The following ADAMTS19 variants were observed in gnomAD, a reference collection of about 807,000 sequenced individuals.
ADAMTS19 encodes the protein ADAM metallopeptidase with thrombospondin type 1 motif 19.
A neutral mutation model predicts 153.3 loss-of-function variants in ADAMTS19; 93 were observed. The observed-to-expected ratio is 0.61, with a 90% CI of 0.51 to 0.72. The LOEUF (loss-of-function observed/expected upper bound fraction) is 0.72, where lower values mean the gene tolerates loss of function less well. ADAMTS19 is among the 30% of genes least tolerant of loss of function. ADAMTS19 has a pLI of 0.00. For synonymous variants in ADAMTS19, 600 were observed against 556.6 expected (o/e 1.08, Z -1.10); for missense variants, 1,482 against 1,552.1 (o/e 0.95, Z 0.76).
chr5:129,711,376 A>G (rs1388573472), intron 21 of ADAMTS19, among the ~76,000 whole-genome samples: 4 of 152,162 alleles, frequency 2.6e-5, no homozygotes, highest in African/African-American at 4.8e-5. Flanking sequence ...TCAAATACAT[A>G]TTAATCTGAC....
In ADAMTS19 at chr5:129,647,723, T is replaced by G. The variant is rs762961178; in HGVS notation, c.1873-42T>G. On this transcript the variant is annotated intron_variant, in intron 11 of 22. Transcript: ENST00000274487. ...TATAGGCCAGCGAATGATTTTCAGT[T>G]GTGCCCTGATTTGTTCACCTAAGAC... 5 of 1,597,566 alleles carry G rather than the reference T, an allele frequency of 3.1e-6. No homozygotes were observed. The East Asian group carries it at 1.1e-4, about 36-fold the overall frequency.
intron 16 of ADAMTS19, among the ~76,000 whole-genome samples, chr5:129,677,080 A>G (rs1014715830): frequency 6.6e-6 from 1 of 152,246 alleles, no homozygotes; most frequent in African/African-American, 2.4e-5. Flanking sequence ...ACAAGGAAAT[A>G]ATTTACCTTT....
intron 2 of ADAMTS19, among the ~76,000 whole-genome samples, chr5:129,503,327 T>C (rs1024397102): frequency 6.6e-6 from 1 of 152,168 alleles, no homozygotes; most frequent in African/African-American, 2.4e-5. Flanking sequence ...AGTGTAGTTT[T>C]ATACAGATTT....
intron 11 of ADAMTS19, among the ~76,000 whole-genome samples, chr5:129,643,745 T>A (rs1398885199): frequency 6.6e-6 from 1 of 152,202 alleles, no homozygotes; most frequent in African/African-American, 2.4e-5. Context: ...ATATTTCCTA[T>A]AAGCTTAAAC....
At chr5:129,631,000 A>T (rs1752259126) in intron 10 of ADAMTS19, among the ~76,000 whole-genome samples, 1 of 152,022 alleles carries the variant, frequency 6.6e-6, no homozygotes. Context: ...TTGTATCAAG[A>T]AATGCAAATT....
chr5:129,539,808 C>T (rs773824484), intron 6 of ADAMTS19, among the ~76,000 whole-genome samples: 12 of 151,968 alleles, frequency 7.9e-5, no homozygotes, highest in Non-Finnish European at 1.6e-4. Context: ...AAAATACTGA[C>T]GAATACTGGC....
intron 13 of ADAMTS19, among the ~76,000 whole-genome samples, chr5:129,651,729 C>T (rs576913901): frequency 2.0e-5 from 3 of 152,268 alleles, no homozygotes; most frequent in South Asian, 4.1e-4. Flanking sequence ...ACACACACAA[C>T]CTGTAATAGC....
At chr5:129,488,966 G>C (rs1210059764) in intron 2 of ADAMTS19, among the ~76,000 whole-genome samples, 1 of 152,086 alleles carries the variant, frequency 6.6e-6, no homozygotes, top group Non-Finnish European at 1.5e-5. Context: ...TTTTCAAACA[G>C]AACTGCAGAC....
At chr5:129,614,659 C>G (rs1488462403) in intron 8 of ADAMTS19, among the ~76,000 whole-genome samples, 1 of 152,090 alleles carries the variant, frequency 6.6e-6, no homozygotes, top group East Asian at 1.9e-4. Flanking sequence ...CACTCCTATT[C>G]AATCTAGTGT....
intron 3 of ADAMTS19, 125 bp from the exon 4 acceptor site, chr5:129,526,159 C>A: frequency 1.3e-6 from 1 of 745,190 alleles, no homozygotes; most frequent in Non-Finnish European, 2.0e-6. Flanking sequence ...ATTTCAAAGC[C>A]AAATGCCCTT....
At chr5:129,714,254 C>T (rs1325471451) in intron 21 of ADAMTS19, among the ~76,000 whole-genome samples, 1 of 150,004 alleles carries the variant, frequency 6.7e-6, no homozygotes, top group Non-Finnish European at 1.5e-5. Flanking sequence ...CCCGTCTCTA[C>T]TAAAAATACA....
chr5:129,529,786 G>C (rs1348309458), intron 6 of ADAMTS19, among the ~76,000 whole-genome samples: 1 of 152,116 alleles, frequency 6.6e-6, no homozygotes, highest in Non-Finnish European at 1.5e-5. Context: ...AACTTGGCAA[G>C]GGCTGGTCTG....
chr5:129,649,427 A>G (rs1185323782), intron 13 of ADAMTS19, among the ~76,000 whole-genome samples: 1 of 152,262 alleles, frequency 6.6e-6, no homozygotes, highest in Non-Finnish European at 1.5e-5. Context: ...ATCTCAGAGC[A>G]TTATGCTGAG....
At chr5:129,720,395 T>C (rs1016023115) in intron 21 of ADAMTS19, among the ~76,000 whole-genome samples, 8 of 151,946 alleles carry the variant, frequency 5.3e-5, no homozygotes, top group African/African-American at 1.9e-4. Context: ...GGTCTCAAAC[T>C]CTTGACCTCA....
chr5:129,656,986 G>C (rs370956738), intron 14 of ADAMTS19, among the ~76,000 whole-genome samples: 17 of 152,174 alleles, frequency 1.1e-4, no homozygotes, highest in African/African-American at 4.1e-4. Context: ...TTGGAACATG[G>C]AAAGACTTTT....
chr5:129,610,279 A>T (rs1216692129), intron 8 of ADAMTS19, among the ~76,000 whole-genome samples: 2 of 151,938 alleles, frequency 1.3e-5, no homozygotes, highest in Admixed American at 1.3e-4. Context: ...AATGGAAGGT[A>T]TTCTTTTTTA....
At chr5:129,537,852 A>G (rs1477478149) in intron 6 of ADAMTS19, among the ~76,000 whole-genome samples, 1 of 152,114 alleles carries the variant, frequency 6.6e-6, no homozygotes, top group African/African-American at 2.4e-5. Flanking sequence ...GGTACAGCAC[A>G]CCAACATGGC....
At chr5:129,552,188 T>G (rs1357961838) in intron 7 of ADAMTS19, among the ~76,000 whole-genome samples, 2 of 151,892 alleles carry the variant, frequency 1.3e-5, no homozygotes, top group Admixed American at 6.6e-5. Context: ...TCAATAAAAT[T>G]TTATTATTAT....
chr5:129,486,010 C>G (rs1289318495), intron 2 of ADAMTS19, among the ~76,000 whole-genome samples: 1 of 152,076 alleles, frequency 6.6e-6, no homozygotes, highest in Non-Finnish European at 1.5e-5. Context: ...AGGCTGGTGT[C>G]AAACTCCTGA....
Sources: gnomAD v4.1 joint callset for allele counts (sites outside exome capture counted in the v4.1 genomes callset) on GRCh38, gnomAD v4.1.1 for gene constraint, MANE v1.5 for transcripts, NCBI Gene and HGNC (gene_info 2026-07-23, HGNC 2026-07-21) for gene names.